Variants in TCF7L1 observed in about 807,000 individuals in gnomAD.
TCF7L1 encodes the protein transcription factor 7-like 1.
In TCF7L1, 18 loss-of-function variants were observed where a neutral mutation model predicts 63.7. That is an observed-to-expected ratio of 0.28 (90% confidence interval 0.20 to 0.42). The LOEUF (loss-of-function observed/expected upper bound fraction) is 0.42. Among genes scored for constraint, TCF7L1 ranks in the 10% least tolerant of loss-of-function variants. The pLI, the probability that TCF7L1 is intolerant of heterozygous loss-of-function variation, is 1.00. For missense variants in TCF7L1, 654 were observed against 779.3 expected (o/e 0.84, Z 1.91); for synonymous variants, 355 against 340.9 (o/e 1.04, Z -0.46).
intron 3 of TCF7L1, among the ~76,000 whole-genome samples, chr2:85,277,975 C>T (rs1296546956): frequency 6.6e-6 from 1 of 152,170 alleles, no homozygotes; most frequent in Non-Finnish European, 1.5e-5. Flanking sequence ...GGTTAATCTC[C>T]GTAGCTCATT....
intron 3 of TCF7L1, among the ~76,000 whole-genome samples, chr2:85,167,981 C>A (rs11682047): frequency 6.6e-6 from 1 of 151,962 alleles, no homozygotes; most frequent in Non-Finnish European, 1.5e-5. Context: ...ATGATTCTGC[C>A]TGTATGTGGG....
At chr2:85,242,546 C>T (rs1168095336) in intron 3 of TCF7L1, among the ~76,000 whole-genome samples, 1 of 152,244 alleles carries the variant, frequency 6.6e-6, no homozygotes, top group Non-Finnish European at 1.5e-5. Flanking sequence ...CCCGCTTCTG[C>T]TGTAGGGAGA....
chr2:85,209,502 A>G (rs1017450068), intron 3 of TCF7L1, among the ~76,000 whole-genome samples: 8 of 152,222 alleles, frequency 5.3e-5, no homozygotes, highest in Non-Finnish European at 7.3e-5. Flanking sequence ...TGAAACCTCA[A>G]TGCCCTAAGG....
At chr2:85,175,770 AAAAGTT>A (rs1678666000) in intron 3 of TCF7L1, among the ~76,000 whole-genome samples, 1 of 152,244 alleles carries the variant, frequency 6.6e-6, no homozygotes, top group African/African-American at 2.4e-5. Flanking sequence ...CCTGGTAAAC[AAAAGTT>A]GGCTGTAACA....
At chr2:85,257,885 A>G (rs1374362603) in intron 3 of TCF7L1, among the ~76,000 whole-genome samples, 1 of 152,006 alleles carries the variant, frequency 6.6e-6, no homozygotes, top group Non-Finnish European at 1.5e-5. Context: ...CCGGCTCTTG[A>G]TTTTCCATGA....
chr2:85,217,928 TGTA>T (rs1679747657), intron 3 of TCF7L1, among the ~76,000 whole-genome samples: 1 of 152,220 alleles, frequency 6.6e-6, no homozygotes, highest in South Asian at 2.1e-4. Context: ...ATGCTCAACT[TGTA>T]CTAGCATTAA....
intron 3 of TCF7L1, among the ~76,000 whole-genome samples, chr2:85,222,506 C>G (rs1247086909): frequency 6.6e-6 from 1 of 150,816 alleles, no homozygotes; most frequent in Non-Finnish European, 1.5e-5. Context: ...CTGTCTCCAC[C>G]AAAAATACAA....
intron 3 of TCF7L1, among the ~76,000 whole-genome samples, chr2:85,229,981 C>G (rs371221625): frequency 3.9e-5 from 6 of 152,280 alleles, no homozygotes; most frequent in African/African-American, 1.4e-4. Flanking sequence ...AACACTCCAG[C>G]CTGGGTGGCA....
At chr2:85,163,075 C>G (rs945220835) in intron 3 of TCF7L1, among the ~76,000 whole-genome samples, 1 of 152,128 alleles carries the variant, frequency 6.6e-6, no homozygotes, top group African/African-American at 2.4e-5. Flanking sequence ...CCTCCAAGGT[C>G]GTAGGGTCCA....
At chr2:85,245,640 G>A (rs964555710) in intron 3 of TCF7L1, among the ~76,000 whole-genome samples, 68 of 151,966 alleles carry the variant, frequency 4.5e-4, no homozygotes, top group African/African-American at 1.5e-3. Flanking sequence ...GTGAAACCCC[G>A]TCTCTACTAA....
chr2:85,136,423 A>G (rs1158831691), intron 3 of TCF7L1, among the ~76,000 whole-genome samples: 3 of 152,034 alleles, frequency 2.0e-5, no homozygotes, highest in Non-Finnish European at 4.4e-5. Context: ...CTGATTACTA[A>G]ATCCAGGCCC....
intron 3 of TCF7L1, among the ~76,000 whole-genome samples, chr2:85,215,789 T>A (rs1679690421): frequency 7.1e-6 from 1 of 141,064 alleles, no homozygotes; most frequent in Non-Finnish European, 1.5e-5. Flanking sequence ...AGGGGGGTGG[T>A]GAGGTTTGTT....
At chr2:85,195,371 G>C (rs1348759003) in intron 3 of TCF7L1, among the ~76,000 whole-genome samples, 2 of 152,146 alleles carry the variant, frequency 1.3e-5, no homozygotes, top group Non-Finnish European at 2.9e-5. Flanking sequence ...GATCACTGGA[G>C]CCCAAAAGGT....
intron 3 of TCF7L1, among the ~76,000 whole-genome samples, chr2:85,180,219 T>G (rs1233705254): frequency 6.7e-6 from 1 of 150,372 alleles, no homozygotes. Context: ...GGTTTTTTTT[T>G]TTGTTTTTGT....
intron 3 of TCF7L1, among the ~76,000 whole-genome samples, chr2:85,276,561 A>G (rs1208281904): frequency 1.3e-5 from 2 of 152,346 alleles, no homozygotes; most frequent in East Asian, 3.9e-4. Flanking sequence ...ATTCTGCCAC[A>G]GTTGCAGTCG....
Position 85,309,029 on chromosome 2 carries a change from G to GTGC in TCF7L1, c.1335_1337dup (p.Ala446dup). 1 of 1,584,966 alleles carries GTGC rather than the reference G, an allele frequency of 6.3e-7. No individual in the cohort carries two copies. Among genetic ancestry groups the GTGC allele is most frequent in the Non-Finnish European group, 8.6e-7 (1 of 1,164,256 alleles). Reference sequence around the variant, plus strand: ...ACTCTTTCTTGTATTTTCCCCCTAGGTGCCCTGGCCTCCAAGAGCAAGAAG... The same window carrying GTGC: ...ACTCTTTCTTGTATTTTCCCCCTAGGTGCTGCCCTGGCCTCCAAGAGCAAGAAG... On this transcript the variant is annotated inframe_insertion and splice_region_variant, in exon 12 of 12. Coordinates refer to ENST00000282111, the MANE Select transcript of TCF7L1 (RefSeq NM_031283.3).
intron 3 of TCF7L1, among the ~76,000 whole-genome samples, chr2:85,265,181 A>T (rs890386674): frequency 2.0e-5 from 3 of 152,188 alleles, no homozygotes; most frequent in Non-Finnish European, 4.4e-5. Context: ...CAGGAAGGTC[A>T]TCTTTGAAAG....
chr2:85,272,424 G>A (rs1026171513), intron 3 of TCF7L1, among the ~76,000 whole-genome samples: 7 of 152,166 alleles, frequency 4.6e-5, no homozygotes, highest in Non-Finnish European at 2.9e-5. Context: ...GATAACATTT[G>A]GGTGACTATG....
At chr2:85,182,500 T>C (rs1678827456) in intron 3 of TCF7L1, among the ~76,000 whole-genome samples, 1 of 152,190 alleles carries the variant, frequency 6.6e-6, no homozygotes, top group Non-Finnish European at 1.5e-5. Context: ...ATGAAGTGGG[T>C]AGAGAGGTTC....
Sources: gnomAD v4.1 joint callset for allele counts (sites outside exome capture counted in the v4.1 genomes callset) on GRCh38, gnomAD v4.1.1 for gene constraint, MANE v1.5 for transcripts, NCBI Gene and HGNC (gene_info 2026-07-23, HGNC 2026-07-21) for gene names.